VPS13D: variants seen among roughly 807,000 people sequenced by gnomAD.
VPS13D encodes vacuolar protein sorting 13 homolog D, also known as intermembrane lipid transfer protein VPS13D.
In VPS13D, 187 loss-of-function variants were observed where a neutral mutation model predicts 461.9. The observed-to-expected ratio is 0.40, with a 90% CI of 0.36 to 0.46. The LOEUF is 0.46. Among genes scored for constraint, VPS13D ranks in the 20% least tolerant of loss-of-function variants. VPS13D has a pLI of 0.60. For missense variants in VPS13D, 4,711 were observed against 5,364.9 expected (o/e 0.88, Z 3.81); for synonymous variants, 1,951 against 1,986.3 (o/e 0.98, Z 0.47).
intron 65 of VPS13D, among the ~76,000 whole-genome samples, chr1:12,439,243 C>T (rs1427538821): frequency 1.3e-5 from 2 of 152,118 alleles, no homozygotes; most frequent in African/African-American, 2.4e-5. Context: ...ACTGTCTCAC[C>T]ACCCTCCACC....
chr1:12,250,249 C>A (rs1446714732), intron 6 of VPS13D, among the ~76,000 whole-genome samples: 1 of 146,246 alleles, frequency 6.8e-6, no homozygotes, highest in Non-Finnish European at 1.5e-5. Flanking sequence ...ACCCAGAGGT[C>A]AGTGAGTGGT....
At chr1:12,330,816 C>T (rs912842173) in intron 37 of VPS13D, among the ~76,000 whole-genome samples, 5 of 152,192 alleles carry the variant, frequency 3.3e-5, no homozygotes, top group Admixed American at 2.0e-4. Flanking sequence ...GATCCACCTG[C>T]CTCAGCCTCC....
chr1:12,381,935 TTTC>T (rs1644282153), intron 57 of VPS13D, among the ~76,000 whole-genome samples: 33 of 111,528 alleles, frequency 3.0e-4, no homozygotes, highest in African/African-American at 1.3e-3. Context: ...TCTTTCTTTC[TTTC>T]TTTCTTTCTT....
chr1:12,230,879 C>G (rs1338639401), intron 1 of VPS13D, among the ~76,000 whole-genome samples: 2 of 152,070 alleles, frequency 1.3e-5, no homozygotes, highest in South Asian at 2.1e-4. Context: ...TCTCTGTCCC[C>G]TGGAGGGGGC....
intron 23 of VPS13D, among the ~76,000 whole-genome samples, chr1:12,292,495 A>G (rs1430774132): frequency 1.5e-5 from 2 of 135,788 alleles, no homozygotes; most frequent in East Asian, 2.2e-4. Context: ...ACTGGAGTGC[A>G]GTAGTGTGAT....
chr1:12,506,495 C>T (rs1646109063), intron 68 of VPS13D, among the ~76,000 whole-genome samples: 1 of 152,022 alleles, frequency 6.6e-6, no homozygotes, highest in Non-Finnish European at 1.5e-5. Context: ...TCTGCTTTTC[C>T]CCCCTCAGCT....
intron 58 of VPS13D, 146 bp downstream of exon 58, chr1:12,383,301 C>A: frequency 1.2e-6 from 1 of 841,734 alleles, no homozygotes; most frequent in Non-Finnish European, 1.7e-6. Context: ...TAGGATCTAC[C>A]TCACAAAGTT....
Position 12,314,274 on chromosome 1 carries a change from C to T in VPS13D, c.7095C>T (p.Pro2365=), listed in dbSNP as rs767586501. ...ATGTGTTCAGCTGTATCTTTCAGCC[C>T]GCTAAGAACAGCAGCACCACCCAAG... ...MTNVFSCIFQ[P]AKNSSTTQGS... Residue 2365 remains proline, a synonymous_variant, in exon 30 of 70, where the codon CCC becomes CCT. Transcript: ENST00000620676. The T allele has an allele frequency of 9.9e-6, 16 of 1,614,046 alleles. No individual in the cohort carries two copies. The East Asian group carries it at 1.1e-4, about 11-fold the overall frequency.
chr1:12,352,895 G>T (rs1297744747), intron 46 of VPS13D, among the ~76,000 whole-genome samples: 1 of 140,014 alleles, frequency 7.1e-6, no homozygotes, highest in Non-Finnish European at 1.5e-5. Flanking sequence ...AACCCAGGAG[G>T]CAGAGGTTGC....
chr1:12,496,625 C>T (rs915939431), intron 67 of VPS13D, among the ~76,000 whole-genome samples: 2 of 152,212 alleles, frequency 1.3e-5, no homozygotes, highest in African/African-American at 4.8e-5. Flanking sequence ...GAGGACAGAC[C>T]CAGTGCACTC....
In VPS13D at chr1:12,270,099, G is replaced by A. The variant is rs1641393160; in HGVS notation, c.1973-895G>A. ...GAGGCTGGGAGTTCGAGGCTGCAGT[G>A]AGCTATGATTACACCACTGCACTCC... On this transcript the variant is annotated intron_variant, in intron 16 of 69. Transcript: ENST00000620676. 4.6e-5 allele frequency among the ~76,000 whole-genome samples: 7 copies of A among 151,852 alleles called. No individual in the cohort carries two copies. In the South Asian group the frequency reaches 1.5e-3, roughly 32 times the overall value.
At position 12,426,683 on chromosome 1, in the gene VPS13D, G is replaced by A. The variant is rs565633970; in HGVS notation, c.12333+9856G>A. On this transcript the variant is annotated intron_variant, in intron 65 of 69. Coordinates refer to ENST00000620676, the MANE Select transcript of VPS13D (RefSeq NM_015378.4). The stretch of plus-strand genomic sequence containing the variant: ...ATTGCTTGAATTAAGAAGCCAGAGG[G>A]AGAATGTTGGGGAGAGTGTGTTATT... Among the ~76,000 whole-genome samples, 26 of 152,258 alleles carry A rather than the reference G, an allele frequency of 1.7e-4. No individual in the cohort carries two copies. The South Asian group carries it at 5.4e-3, about 32-fold the overall frequency.
chr1:12,417,057 G>A (rs1360978093), intron 65 of VPS13D, among the ~76,000 whole-genome samples: 1 of 152,036 alleles, frequency 6.6e-6, no homozygotes, highest in Non-Finnish European at 1.5e-5. Flanking sequence ...CTTAGTCCAG[G>A]CATTGCGTAT....
In VPS13D at chr1:12,506,887, G is replaced by C; in HGVS notation, c.12829G>C (p.Val4277Leu). 6.2e-7 allele frequency: 1 copy of C among 1,614,262 alleles called. No individual in the cohort carries two copies. The highest frequency in any genetic ancestry group is 8.5e-7 in the Non-Finnish European group (1 of 1,180,052). ...TGTGGAGAACATTGACAGCTACTGC[G>C]TGCTCATCTCCTCCAAAGCTGTTTA... is the stretch of plus-strand genomic sequence containing the variant. ...IAVENIDSYC[V>L]LISSKAVYFL... is the part of the protein sequence containing the mutation. The change falls in exon 69 of 70, where the codon GTG (valine) becomes CTG (leucine). Residue 4277 changes from valine (V) to leucine (L), a missense_variant. By Grantham distance (32) the Val-to-Leu change is conservative. Around this residue, in one of 3 missense-constraint regions of VPS13D, gnomAD observed 194 missense variants for 220.9 expected, o/e 0.88. Coordinates refer to ENST00000620676, the MANE Select transcript of VPS13D (RefSeq NM_015378.4).
chr1:12,293,386 T>C, intron 23 of VPS13D, 138 bp from the exon 24 acceptor site: 2 of 801,072 alleles, frequency 2.5e-6, no homozygotes, highest in Admixed American at 6.2e-5. Flanking sequence ...TAGAGTTTGC[T>C]TTGTAAAGCC....
chr1:12,372,781 C>T (rs192148988), intron 54 of VPS13D, among the ~76,000 whole-genome samples: 5 of 148,492 alleles, frequency 3.4e-5, no homozygotes, highest in East Asian at 3.9e-4. Flanking sequence ...TAGTTTTTAA[C>T]GCTGAATTAA....
intron 16 of VPS13D, among the ~76,000 whole-genome samples, chr1:12,269,999 A>C (rs1641390048): frequency 6.6e-6 from 1 of 152,096 alleles, no homozygotes; most frequent in Non-Finnish European, 1.5e-5. Flanking sequence ...ATAAAAATAA[A>C]ATAAAATTAA....
chr1:12,247,491 TAAAAAAAACCC>T (rs1246244793), intron 5 of VPS13D, among the ~76,000 whole-genome samples: 17 of 149,204 alleles, frequency 1.1e-4, no homozygotes, highest in East Asian at 3.9e-4. Flanking sequence ...AGAAAAAAAT[TAAAAAAAACCC>T]AAAAAAAACC....
In VPS13D at chr1:12,355,900, G is replaced by A. The variant is rs1643881520; in HGVS notation, c.9681G>A (p.Gly3227=). 1.3e-6 allele frequency: 2 copies of A among 1,576,062 alleles called. No individual in the cohort carries two copies. Among genetic ancestry groups the A allele is most frequent in the Non-Finnish European group, 1.7e-6 (2 of 1,156,108 alleles). The change falls in exon 48 of 70, where the codon GGG becomes GGA. Residue 3227 remains glycine, a splice_region_variant and synonymous_variant. Transcript: ENST00000620676. ...TADTSQNIEL[G]VSLENFPLCK... is the part of the protein sequence containing the mutation. ...GTTAATAGTTTGTATCTTCTTTAGGGGTATCACTGGAGAATTTCCCCCTCT... is the reference window on the plus strand; with the variant it reads ...GTTAATAGTTTGTATCTTCTTTAGGAGTATCACTGGAGAATTTCCCCCTCT...
Sources: gnomAD v4.1 joint callset for allele counts (sites outside exome capture counted in the v4.1 genomes callset) on GRCh38, gnomAD v4.1.1 for gene constraint, gnomAD v4.1.1 regional missense constraint, MANE v1.5 for transcripts, NCBI Gene and HGNC (gene_info 2026-07-23, HGNC 2026-07-21) for gene names.